Variants in ATP13A4 observed in about 807,000 individuals in gnomAD.
ATP13A4 encodes the protein probable cation-transporting ATPase 13A4.
ATP13A4 carries 114 observed loss-of-function variants against 142.5 expected under a neutral mutation model. That is an observed-to-expected ratio of 0.80 (90% CI 0.69 to 0.93). ATP13A4 has a LOEUF of 0.93. ATP13A4 is among the 40% of genes least tolerant of loss of function. The pLI, the probability that ATP13A4 is intolerant of heterozygous loss-of-function variation, is 0.00. For missense variants in ATP13A4, 1,392 were observed against 1,454.0 expected, an observed-to-expected ratio of 0.96 and a Z score of 0.69; for synonymous variants, 488 against 514.8, an observed-to-expected ratio of 0.95 and a Z score of 0.70.
rs1184730022 is a variant in ATP13A4 at position 193,441,469 on chromosome 3, T to C, written c.2436A>G (p.Pro812=). ...TTGTCACCCTCTTAGAACTTACCTT[T>C]GGCAGTAGGCTGCTGAAATGTTGAC... ...VISQHFSSLL[P]KILINGTIFA... Residue 812 remains proline, a synonymous_variant, in exon 20 of 30, where the codon CCA becomes CCG. Transcript: ENST00000342695. 3 of 1,613,848 alleles carry C rather than the reference T, an allele frequency of 1.9e-6. No individual in the cohort carries two copies. Among genetic ancestry groups the C allele is most frequent in the Non-Finnish European group, 2.5e-6 (3 of 1,179,796 alleles).
chr3:193,456,530 C>T (rs1289760115), intron 16 of ATP13A4, among the ~76,000 whole-genome samples: 1 of 152,088 alleles, frequency 6.6e-6, no homozygotes, highest in Non-Finnish European at 1.5e-5. Flanking sequence ...ATATATGATC[C>T]TAAAGAAATT....
intron 12 of ATP13A4, among the ~76,000 whole-genome samples, chr3:193,464,279 C>G (rs144916199): frequency 6.6e-6 from 1 of 152,212 alleles, no homozygotes; most frequent in Non-Finnish European, 1.5e-5. Flanking sequence ...CAGGCCTCTA[C>G]CCATGCTCAC....
At chr3:193,457,208 G>A (rs1023173504) in intron 15 of ATP13A4, 55 bp from the exon 16 acceptor site, 2 of 1,604,918 alleles carry the variant, frequency 1.2e-6, no homozygotes, top group African/African-American at 1.3e-5. Context: ...TCTAGCTACT[G>A]GGAATTAACC....
chr3:193,449,078 C>A (rs1717123239), intron 17 of ATP13A4, among the ~76,000 whole-genome samples: 1 of 152,196 alleles, frequency 6.6e-6, no homozygotes, highest in African/African-American at 2.4e-5. Context: ...AGGTCATAAT[C>A]TCAACAAACA....
At chr3:193,422,037 A>G (rs1715428583) in intron 25 of ATP13A4, among the ~76,000 whole-genome samples, 1 of 149,694 alleles carries the variant, frequency 6.7e-6, no homozygotes, top group Non-Finnish European at 1.5e-5. Flanking sequence ...CATCTACATA[A>G]TGCCTATAAA....
Position 193,402,611 on chromosome 3 carries a change from C to A in ATP13A4, c.*41G>T. 1 of 801,474 alleles carries A rather than the reference C, an allele frequency of 1.2e-6. No homozygotes were observed. The highest frequency in any genetic ancestry group is 1.3e-5 in the South Asian group (1 of 74,506). 49.6% of individuals were successfully genotyped at this position (801,474 alleles called of 1,614,324 possible). The stretch of plus-strand genomic sequence containing the variant: ...AATCAATGAAACTGGTCCCTTTTGT[C>A]ATTGTTTCTCTGTAATATCAACTTG... On this transcript the variant is annotated 3_prime_UTR_variant, in exon 30 of 30. Transcript: ENST00000342695.
In ATP13A4 at chr3:193,435,725, C is replaced by T. The variant is rs770540072; in HGVS notation, c.2692G>A (p.Val898Ile). ...HLIKEGRAAL[V>I]TSFCMFKYMA... ...TACTTAAACATGCAAAAGGAGGTAA[C>T]GAGAGCTGCACGTCCTTCCCTGTGT... is the stretch of plus-strand genomic sequence containing the variant. The change falls in exon 24 of 30, where the codon GTT (valine) becomes ATT (isoleucine). Residue 898 changes from valine to isoleucine, a missense_variant. Physicochemically the swap from Val to Ile is conservative, Grantham distance 29 (BLOSUM62 3). Coordinates refer to ENST00000342695, the MANE Select transcript of ATP13A4 (RefSeq NM_032279.4). 19 of 1,613,618 alleles carry T rather than the reference C, an allele frequency of 1.2e-5. No individual in the cohort carries two copies. The highest frequency in any genetic ancestry group is 3.3e-5 in the Admixed American group (2 of 59,980).
At position 193,489,729 on chromosome 3, in the gene ATP13A4, C is replaced by T. The variant is rs1192780778; in HGVS notation, c.738+1G>A. On this transcript the variant is annotated splice_donor_variant, in intron 7 of 29. Coordinates refer to ENST00000342695, the MANE Select transcript of ATP13A4 (RefSeq NM_032279.4). LOFTEE classifies it high-confidence loss of function. ...ACCATAGAATTAATAGAAAAACTCA[C>T]CTCTCTGAGATCATATACTGTCAAA... The T allele has an allele frequency of 1.2e-6, 2 of 1,607,614 alleles. No individual in the cohort carries two copies. Among genetic ancestry groups the T allele is most frequent in the African/African-American group, 1.3e-5 (1 of 74,728 alleles).
intron 14 of ATP13A4, 53 bp from the exon 15 acceptor site, chr3:193,457,518 C>G: frequency 6.5e-7 from 1 of 1,533,394 alleles, no homozygotes; most frequent in Non-Finnish European, 9.0e-7. Context: ...TGTTTGCCCA[C>G]TGATGCTATG....
intron 1 of ATP13A4, among the ~76,000 whole-genome samples, chr3:193,536,103 T>C (rs1560265992): frequency 6.6e-6 from 1 of 151,986 alleles, no homozygotes; most frequent in East Asian, 1.9e-4. Context: ...CTCCAGAAAG[T>C]AGAAGAGGAT....
At chr3:193,412,633 G>C (rs1451400521) in intron 26 of ATP13A4, among the ~76,000 whole-genome samples, 1 of 151,992 alleles carries the variant, frequency 6.6e-6, no homozygotes, top group East Asian at 1.9e-4. Flanking sequence ...GAGAGACAGA[G>C]AGAGAGATTC....
chr3:193,569,532 TTTTTG>T (rs943172214), intron 2 of ATP13A4, among the ~76,000 whole-genome samples: 48 of 136,030 alleles, frequency 3.5e-4, no homozygotes, highest in African/African-American at 1.4e-3. Context: ...TTTGTTGTTG[TTTTTG>T]TTTTTGTTTT....
chr3:193,407,440 C>G, intron 28 of ATP13A4, 47 bp from the exon 29 acceptor site: 1 of 1,443,434 alleles, frequency 6.9e-7, no homozygotes, highest in Non-Finnish European at 9.7e-7. Context: ...CACGCAGATG[C>G]TGGAAACATG....
chr3:193,458,829 T>C (rs2108637305), intron 14 of ATP13A4: 2 of 611,436 alleles, frequency 3.3e-6, no homozygotes, highest in Non-Finnish European at 5.8e-6. Flanking sequence ...CCTTTAATAT[T>C]TGCCAGGCAT....
intron 1 of ATP13A4, among the ~76,000 whole-genome samples, chr3:193,515,406 G>A (rs1721352318): frequency 6.6e-6 from 1 of 152,194 alleles, no homozygotes; most frequent in Non-Finnish European, 1.5e-5. Context: ...AAAAGAACCA[G>A]GCCTTGAAAT....
At chr3:193,461,710 A>G (rs944868365) in intron 13 of ATP13A4, among the ~76,000 whole-genome samples, 7 of 152,262 alleles carry the variant, frequency 4.6e-5, no homozygotes, top group Admixed American at 2.0e-4. Context: ...GATTTAAGTT[A>G]TAAGTGTTAG....
chr3:193,467,077 T>TCAAAGGACAAC (rs1339465149), intron 10 of ATP13A4, among the ~76,000 whole-genome samples: 2 of 152,156 alleles, frequency 1.3e-5, no homozygotes, highest in Admixed American at 6.5e-5. Context: ...GGACAACTGC[T>TCAAAGGACAAC]TGAGGGAATA....
chr3:193,540,392 G>A (rs542708609), intron 1 of ATP13A4, among the ~76,000 whole-genome samples: 1 of 151,832 alleles, frequency 6.6e-6, no homozygotes, highest in African/African-American at 2.4e-5. Context: ...CATCCCTCAT[G>A]ACAACGGAGC....
intron 5 of ATP13A4, among the ~76,000 whole-genome samples, chr3:193,492,392 C>T (rs935585932): frequency 2.0e-5 from 3 of 152,186 alleles, no homozygotes; most frequent in African/African-American, 4.8e-5. Context: ...AGTGCCCTCC[C>T]TAAACCTCTC....
Sources: allele counts gnomAD v4.1 joint callset (sites outside exome capture counted in the v4.1 genomes callset), GRCh38; gene constraint gnomAD v4.1.1; transcripts MANE v1.5; gene names NCBI Gene and HGNC (gene_info 2026-07-23, HGNC 2026-07-21).